The following PMEPA1 variants were observed in gnomAD, a reference collection of about 807,000 sequenced individuals.
PMEPA1 encodes prostate transmembrane protein, androgen induced 1.
A neutral mutation model predicts 23.0 loss-of-function variants in PMEPA1; 11 were observed. That is an observed-to-expected ratio of 0.48 (90% CI 0.30 to 0.79). The LOEUF (loss-of-function observed/expected upper bound fraction) is 0.79. Among genes scored for constraint, PMEPA1 ranks in the 30% least tolerant of loss-of-function variants. PMEPA1 has a pLI of 0.06. For synonymous variants in PMEPA1, 204 were observed against 166.4 expected (o/e 1.23, Z -1.74); for missense variants, 377 against 390.9 (o/e 0.96, Z 0.30).
intron 1 of PMEPA1, among the ~76,000 whole-genome samples, chr20:57,673,632 A>G (rs157086): frequency 0.61 from 92,266 of 151,944 alleles, 28,564 homozygotes; most frequent in African/African-American, 0.75. Flanking sequence ...GGTGTCAAGC[A>G]CAGGCCACCA....
rs888224524 is a variant in PMEPA1 at position 57,682,360 on chromosome 20, C to T, written c.110-22663G>A. ...CTTGGGCAAGCTGTTCTCTGAGCCT[C>T]GGTGGTTTCATCCATAAAATGGGGA... On this transcript the variant is annotated intron_variant, in intron 1 of 3. Coordinates refer to ENST00000341744, the MANE Select transcript of PMEPA1 (RefSeq NM_020182.5). The surrounding 1 kb of genome is among the most constrained non-coding windows in gnomAD (Gnocchi z 4.4). 3.3e-5 allele frequency among the ~76,000 whole-genome samples: 5 copies of T among 152,168 alleles called. No homozygotes were observed. Among genetic ancestry groups the T allele is most frequent in the South Asian group, 2.1e-4 (1 of 4,826 alleles).
At chr20:57,703,165 C>A (rs1256901820) in intron 1 of PMEPA1, among the ~76,000 whole-genome samples, 1 of 152,230 alleles carries the variant, frequency 6.6e-6, no homozygotes, top group Admixed American at 6.5e-5. Flanking sequence ...GCAGCCCACC[C>A]TGGGGAGAAG....
At chr20:57,692,937 T>C (rs541654942) in intron 1 of PMEPA1, among the ~76,000 whole-genome samples, 2 of 152,348 alleles carry the variant, frequency 1.3e-5, no homozygotes, top group African/African-American at 2.4e-5. Flanking sequence ...ATCCCTGCTG[T>C]GGGTCAAGGT....
chr20:57,667,481 T>C (rs1351798691), intron 1 of PMEPA1, among the ~76,000 whole-genome samples: 2 of 152,118 alleles, frequency 1.3e-5, no homozygotes, highest in Non-Finnish European at 2.9e-5. Flanking sequence ...TCTCTTCAGC[T>C]GGGGAGCTGG....
chr20:57,666,024 G>A (rs567115471), intron 1 of PMEPA1, among the ~76,000 whole-genome samples: 8 of 151,988 alleles, frequency 5.3e-5, no homozygotes, highest in Non-Finnish European at 1.2e-4. Context: ...AGGGCCCGGG[G>A]GCTCCTGCCA....
intron 1 of PMEPA1, among the ~76,000 whole-genome samples, chr20:57,692,922 T>C (rs1383683999): frequency 6.6e-6 from 1 of 152,186 alleles, no homozygotes; most frequent in Non-Finnish European, 1.5e-5. Context: ...CAACTGTTTA[T>C]CTCAATCCCT....
Position 57,651,972 on chromosome 20 carries a change from TTC to T in PMEPA1, c.*79_*80del. The stretch of plus-strand genomic sequence containing the variant: ...ACGATGCGTTGCTGCGCCCCCCGCC[TTC>T]CTCTCACTCCTCTTCTAAGAAGCGC... On this transcript the variant is annotated 3_prime_UTR_variant, in exon 4 of 4. Coordinates refer to ENST00000341744, the MANE Select transcript of PMEPA1 (RefSeq NM_020182.5). 2 of 1,248,578 alleles carry T rather than the reference TTC, an allele frequency of 1.6e-6. No individual in the cohort carries two copies. The highest frequency in any genetic ancestry group is 2.2e-6 in the Non-Finnish European group (2 of 928,616). 77.3% of individuals were successfully genotyped at this position (1,248,578 alleles called of 1,614,324 possible).
intron 1 of PMEPA1, among the ~76,000 whole-genome samples, chr20:57,698,940 C>A (rs1046708785): frequency 1.3e-5 from 2 of 152,184 alleles, no homozygotes; most frequent in African/African-American, 4.8e-5. Flanking sequence ...ACATCACTGA[C>A]CACAACCAAA....
chr20:57,653,009 A>T (rs749374100), intron 3 of PMEPA1, 24 bp downstream of exon 3: 1 of 1,583,264 alleles, frequency 6.3e-7, no homozygotes, highest in Non-Finnish European at 8.6e-7. Flanking sequence ...GGGGTGTTGG[A>T]GGGGAGGCCG....
chr20:57,677,273 T>C (rs2071650295), intron 1 of PMEPA1, among the ~76,000 whole-genome samples: 1 of 152,178 alleles, frequency 6.6e-6, no homozygotes. Flanking sequence ...GAGTGAACTA[T>C]GGCCCCGTCT....
Position 57,652,285 on chromosome 20 carries a change from T to C in PMEPA1, c.632A>G (p.Asn211Ser). ...RLGGPCPPSS[N>S]SGISATCYGS... ...GTAGCACGTGGCGCTGATGCCCGAG[T>C]TACTGCTGGGGGGGCAGGGGCCGCC... Residue 211 changes from asparagine to serine, a missense_variant, in exon 4 of 4, where the codon AAC (asparagine) becomes AGC (serine). Coordinates refer to ENST00000341744, the MANE Select transcript of PMEPA1 (RefSeq NM_020182.5). This position sits in a 1 kb window ranked among gnomAD's most constrained non-coding sequence, Gnocchi z 6.1. The C allele has an allele frequency of 1.9e-6, 3 of 1,609,684 alleles. No individual in the cohort carries two copies. The highest frequency in any genetic ancestry group is 1.7e-6 in the Non-Finnish European group (2 of 1,179,600).
chr20:57,681,589 A>G (rs542338849), intron 1 of PMEPA1, among the ~76,000 whole-genome samples: 2 of 151,966 alleles, frequency 1.3e-5, no homozygotes, highest in Non-Finnish European at 2.9e-5. Context: ...TTTAGCAACC[A>G]TTGTCGTTTC....
intron 1 of PMEPA1, among the ~76,000 whole-genome samples, chr20:57,665,087 T>C (rs933733225): frequency 1.3e-5 from 2 of 152,158 alleles, no homozygotes; most frequent in African/African-American, 2.4e-5. Flanking sequence ...CAAGCAGTCA[T>C]AGGCCACAGG....
intron 1 of PMEPA1, among the ~76,000 whole-genome samples, chr20:57,681,776 C>T (rs1430651452): frequency 1.3e-5 from 2 of 152,298 alleles, no homozygotes; most frequent in Non-Finnish European, 2.9e-5. Flanking sequence ...AGTCCCCCCT[C>T]AAGGTGACAC....
At chr20:57,699,977 T>C (rs2071989609) in intron 1 of PMEPA1, 1 of 469,432 alleles carries the variant, frequency 2.1e-6, no homozygotes, top group African/African-American at 2.0e-5. Flanking sequence ...GTATATTGTA[T>C]ATACTTGAAG....
In PMEPA1 at chr20:57,653,180, G is replaced by T. The variant is rs1303353373; in HGVS notation, c.265-94C>A. The T allele has an allele frequency of 7.7e-6, 8 of 1,045,632 alleles. No homozygotes were observed. The South Asian group carries it at 1.1e-4, about 14-fold the overall frequency. 64.8% of individuals were successfully genotyped at this position (1,045,632 alleles called of 1,614,324 possible). On this transcript the variant is annotated intron_variant, in intron 2 of 3. Coordinates refer to ENST00000341744, the MANE Select transcript of PMEPA1 (RefSeq NM_020182.5). ...GATTCGACTCTTAGGCCTTTACCCT[G>T]GAATCAGCTCTTGAACCCGCCCACC... is the stretch of plus-strand genomic sequence containing the variant.
At position 57,655,200 on chromosome 20, in the gene PMEPA1, TG is replaced by T. The variant is rs2071310104; in HGVS notation, c.265-2115del. Among the ~76,000 whole-genome samples, 1 of 152,218 alleles carries T rather than the reference TG, an allele frequency of 6.6e-6. No homozygotes were observed. Among genetic ancestry groups the T allele is most frequent in the Non-Finnish European group, 1.5e-5 (1 of 68,034 alleles). ...CTTGCCTTTGGATCTGAGCCCATCCTGGGTCTGGACCAATGGCCCCTCTTTC... is the reference window on the plus strand; with the variant it reads ...CTTGCCTTTGGATCTGAGCCCATCCTGGTCTGGACCAATGGCCCCTCTTTC... On this transcript the variant is annotated intron_variant, in intron 2 of 3. Transcript: ENST00000341744. This position sits in a 1 kb window ranked among gnomAD's most constrained non-coding sequence, Gnocchi z 4.2.
At chr20:57,679,984 G>T (rs1410973922) in intron 1 of PMEPA1, among the ~76,000 whole-genome samples, 1 of 152,212 alleles carries the variant, frequency 6.6e-6, no homozygotes, top group Non-Finnish European at 1.5e-5. Context: ...GGTACAGGCT[G>T]TCCACGCAGG....
intron 1 of PMEPA1, among the ~76,000 whole-genome samples, chr20:57,698,686 C>T (rs1185924641): frequency 9.9e-5 from 15 of 152,160 alleles, no homozygotes; most frequent in African/African-American, 3.4e-4. Flanking sequence ...GGAACTGGCG[C>T]GGCGGGCACC....
Sources: gnomAD v4.1 joint callset for allele counts (sites outside exome capture counted in the v4.1 genomes callset) on GRCh38, gnomAD v4.1.1 for gene constraint, Gnocchi (gnomAD v3.1) non-coding constraint, MANE v1.5 for transcripts, NCBI Gene and HGNC (gene_info 2026-07-23, HGNC 2026-07-21) for gene names.